STXBP4: variants seen among roughly 807,000 people sequenced by gnomAD.
STXBP4 encodes syntaxin binding protein 4, also known as syntaxin-binding protein 4.
Under a neutral mutation model 76.1 loss-of-function variants are expected in STXBP4, and 55 were observed. The observed-to-expected ratio is 0.72, with a 90% CI of 0.58 to 0.91. STXBP4 has a LOEUF of 0.91. Among genes scored for constraint, STXBP4 ranks in the 40% least tolerant of loss-of-function variants. The pLI is 0.00. For synonymous variants in STXBP4, 201 were observed against 220.2 expected (o/e 0.91, Z 0.77); for missense variants, 618 against 636.9 (o/e 0.97, Z 0.32).
intron 12 of STXBP4, among the ~76,000 whole-genome samples, chr17:55,047,468 T>C (rs1253954342): frequency 6.6e-6 from 1 of 151,858 alleles, no homozygotes; most frequent in Admixed American, 6.6e-5. Context: ...TTTTCTTTCA[T>C]TTCCCCTTTT....
intron 8 of STXBP4, chr17:55,030,778 G>C (rs2144676740): frequency 6.2e-6 from 1 of 161,742 alleles, no homozygotes; most frequent in Admixed American, 6.2e-5. Flanking sequence ...ATCAACTTCA[G>C]TTCTGCTCTC....
At chr17:55,026,339 T>G (rs1022332512) in intron 8 of STXBP4, among the ~76,000 whole-genome samples, 2 of 152,190 alleles carry the variant, frequency 1.3e-5, no homozygotes, top group African/African-American at 4.8e-5. Context: ...GAAAAAAGTT[T>G]TTTTTTCCCC....
chr17:55,021,528 TAATCATA>T (rs1426263215), intron 8 of STXBP4, among the ~76,000 whole-genome samples: 2 of 152,086 alleles, frequency 1.3e-5, no homozygotes, highest in Admixed American at 1.3e-4. Flanking sequence ...AAAATAATCA[TAATCATA>T]ATTTTTTTAT....
At position 55,159,966 on chromosome 17, in the gene STXBP4, A is replaced by G. The variant is rs2080323154; in HGVS notation, c.*55A>G. 6 of 1,115,278 alleles carry G rather than the reference A, an allele frequency of 5.4e-6. No individual in the cohort carries two copies. The highest frequency in any genetic ancestry group is 8.1e-6 in the Non-Finnish European group (6 of 736,368). 69.1% of individuals were successfully genotyped at this position (1,115,278 alleles called of 1,614,324 possible). A position where few individuals can be genotyped will look rare whatever the true frequency, so the allele number is the denominator to read the frequency against. ...GATGATGTGAGCAGAGACGCATAACATCCAATTCTGAGATGAAACAGTCTA... is the reference window on the plus strand; with the variant it reads ...GATGATGTGAGCAGAGACGCATAACGTCCAATTCTGAGATGAAACAGTCTA... On this transcript the variant is annotated 3_prime_UTR_variant, in exon 18 of 18. Coordinates refer to ENST00000376352, the MANE Select transcript of STXBP4 (RefSeq NM_178509.6).
At chr17:55,200,002 T>C in the STXBP4 span, among the ~76,000 whole-genome samples, 3 of 152,360 alleles carry the variant, frequency 2.0e-5, no homozygotes, top group African/African-American at 7.2e-5. Context: ...CTCGGTCATA[T>C]CTATCTAGCC....
At chr17:55,196,624 G>T in the STXBP4 span, among the ~76,000 whole-genome samples, 1 of 152,136 alleles carries the variant, frequency 6.6e-6, no homozygotes, top group Non-Finnish European at 1.5e-5. Flanking sequence ...GCAACTACTT[G>T]CATGTCTGTT....
At position 55,002,992 on chromosome 17, in the gene STXBP4, C is replaced by T. The variant is rs374006798; in HGVS notation, c.574+2109C>T. On this transcript the variant is annotated intron_variant, in intron 7 of 17. Coordinates refer to ENST00000376352, the MANE Select transcript of STXBP4 (RefSeq NM_178509.6). ...CCAATTCTTGATTCAATTTTATGTC[C>T]TCCCCTTGACCCCAAAAACTAGTAT... 2.9e-4 allele frequency among the ~76,000 whole-genome samples: 44 copies of T among 152,204 alleles called. 1 individual carries two copies. The highest frequency in any genetic ancestry group is 6.8e-3 in the Middle Eastern group (2 of 294).
chr17:54,973,149 G>A (rs1017397560), intron 1 of STXBP4, among the ~76,000 whole-genome samples: 3 of 152,184 alleles, frequency 2.0e-5, no homozygotes, highest in Admixed American at 6.5e-5. Context: ...CAAGCTCAGC[G>A]CATGGATAGG....
the STXBP4 span, among the ~76,000 whole-genome samples, chr17:55,205,012 T>C: frequency 6.6e-6 from 1 of 152,156 alleles, no homozygotes; most frequent in African/African-American, 2.4e-5. Context: ...TAGTAGTTCT[T>C]AGCAGGTAAG....
intron 16 of STXBP4, among the ~76,000 whole-genome samples, chr17:55,102,897 A>G (rs866903643): frequency 1.4e-4 from 21 of 151,894 alleles, no homozygotes; most frequent in African/African-American, 4.1e-4. Context: ...GCTTTTTTTC[A>G]TATGTTTTTT....
At chr17:55,142,103 G>T (rs758949668) in intron 17 of STXBP4, among the ~76,000 whole-genome samples, 1 of 152,084 alleles carries the variant, frequency 6.6e-6, no homozygotes, top group South Asian at 2.1e-4. Context: ...TCTTCTGACC[G>T]CAAGATTCTA....
chr17:55,029,492 GTAT>G (rs1174830275), intron 8 of STXBP4, among the ~76,000 whole-genome samples: 5 of 151,176 alleles, frequency 3.3e-5, no homozygotes, highest in Non-Finnish European at 7.4e-5. Flanking sequence ...GGTGTTCTTT[GTAT>G]TATTATTTTT....
chr17:54,991,159 A>G (rs2077711378), intron 4 of STXBP4: 2 of 371,684 alleles, frequency 5.4e-6, no homozygotes, highest in Admixed American at 4.9e-5. Context: ...TATGAAAATA[A>G]TAGATATTTC....
intron 11 of STXBP4, chr17:55,044,772 A>T (rs903308968): frequency 5.9e-5 from 9 of 151,934 alleles, no homozygotes; most frequent in South Asian, 4.1e-4. Context: ...GCCTTAAAAA[A>T]TTTTTTTCCA....
At chr17:55,204,286 A>C in the STXBP4 span, among the ~76,000 whole-genome samples, 4 of 151,732 alleles carry the variant, frequency 2.6e-5, no homozygotes, top group South Asian at 8.3e-4. Context: ...ATTCTTTTTC[A>C]TAGTCTCCAG....
intron 1 of STXBP4, among the ~76,000 whole-genome samples, chr17:54,978,206 T>A (rs2077498462): frequency 6.6e-6 from 1 of 152,168 alleles, no homozygotes. Context: ...CCTTTAAAGA[T>A]CATTTTATGA....
intron 12 of STXBP4, among the ~76,000 whole-genome samples, chr17:55,070,775 G>A (rs1933325): frequency 0.23 from 35,503 of 151,666 alleles, 4,631 homozygotes; most frequent in South Asian, 0.31. Context: ...AATTGATCTA[G>A]TATTGTTTCA....
chr17:55,208,284 G>A, the STXBP4 span, among the ~76,000 whole-genome samples: 1 of 152,034 alleles, frequency 6.6e-6, no homozygotes, highest in Non-Finnish European at 1.5e-5. Context: ...GAGAAACAGT[G>A]TTGTTGACTT....
chr17:55,094,533 T>G (rs766249906), intron 16 of STXBP4, among the ~76,000 whole-genome samples: 6 of 152,176 alleles, frequency 3.9e-5, no homozygotes, highest in Admixed American at 1.3e-4. Flanking sequence ...TGTGTCAGCA[T>G]GTATAACTTT....
Sources: gnomAD v4.1 joint callset for allele counts (sites outside exome capture counted in the v4.1 genomes callset) on GRCh38, gnomAD v4.1.1 for gene constraint, MANE v1.5 for transcripts, NCBI Gene and HGNC (gene_info 2026-07-23, HGNC 2026-07-21) for gene names.